AK7: variants seen among roughly 807,000 people sequenced by gnomAD.
AK7 encodes ATP-AMP transphosphorylase 7.
In AK7, 78 loss-of-function variants were observed where a neutral mutation model predicts 96.6. The ratio of observed to expected loss-of-function variants is 0.81; its 90% CI spans 0.67 to 0.97. The LOEUF (loss-of-function observed/expected upper bound fraction) is 0.97, where lower values mean the gene tolerates loss of function less well. Ranked by LOEUF, AK7 falls within the 50% of genes least tolerant of loss-of-function variation. The pLI, the probability that AK7 is intolerant of heterozygous loss-of-function variation, is 0.00. For synonymous variants in AK7, 302 were observed against 317.2 expected (o/e 0.95, Z 0.51); for missense variants, 855 against 887.9 (o/e 0.96, Z 0.47).
chr14:96,421,032 C>A, intron 5 of AK7, 100 bp downstream of exon 5: 1 of 805,850 alleles, frequency 1.2e-6, no homozygotes. Context: ...GAGCTTTAGG[C>A]TCACCCCAGG....
intron 6 of AK7, among the ~76,000 whole-genome samples, chr14:96,441,642 CA>C (rs34473287): frequency 3.6e-4 from 33 of 91,472 alleles, no homozygotes; most frequent in African/African-American, 1.0e-3. Context: ...GACTCCGTCT[CA>C]AAAAAAAAAA....
chr14:96,419,784 C>CTTTCTTTT (rs1891563684), intron 4 of AK7, among the ~76,000 whole-genome samples: 10 of 101,694 alleles, frequency 9.8e-5, no homozygotes, highest in African/African-American at 4.3e-4. Flanking sequence ...TTTTTTCTTT[C>CTTTCTTTT]TTTTCTTTTT....
intron 12 of AK7, among the ~76,000 whole-genome samples, chr14:96,461,244 CT>C (rs1157047833): frequency 6.6e-6 from 1 of 152,060 alleles, no homozygotes; most frequent in Non-Finnish European, 1.5e-5. Context: ...GGGAAGATTG[CT>C]TGAGGTCAGC....
At chr14:96,406,608 G>A (rs1261368035) in intron 3 of AK7, among the ~76,000 whole-genome samples, 1 of 152,150 alleles carries the variant, frequency 6.6e-6, no homozygotes, top group Non-Finnish European at 1.5e-5. Flanking sequence ...AGGGCATGAG[G>A]TTGGTAAGGG....
At chr14:96,478,920 T>G (rs1187047839) in intron 15 of AK7, among the ~76,000 whole-genome samples, 2 of 151,738 alleles carry the variant, frequency 1.3e-5, no homozygotes, top group African/African-American at 4.8e-5. Context: ...TTTTTTTTTT[T>G]TGTGGGGGGA....
intron 8 of AK7, among the ~76,000 whole-genome samples, chr14:96,448,762 C>A (rs1893397792): frequency 2.0e-5 from 3 of 151,636 alleles, no homozygotes; most frequent in African/African-American, 7.3e-5. Context: ...TTGAGACCAG[C>A]CTAGCCATCA....
At chr14:96,452,830 A>G (rs894523751) in intron 10 of AK7, among the ~76,000 whole-genome samples, 1 of 152,158 alleles carries the variant, frequency 6.6e-6, no homozygotes, top group South Asian at 2.1e-4. Flanking sequence ...CAGACTAGGT[A>G]GGACGCAGAC....
intron 3 of AK7, among the ~76,000 whole-genome samples, chr14:96,407,966 T>C (rs1890819371): frequency 6.6e-6 from 1 of 152,196 alleles, no homozygotes; most frequent in Admixed American, 6.5e-5. Context: ...AATGCTTAAA[T>C]GTGTAGAGAG....
At chr14:96,434,422 GTCTCTC>G (rs3077780) in intron 5 of AK7, among the ~76,000 whole-genome samples, 3,018 of 149,382 alleles carry the variant, frequency 0.02, 79 homozygotes, top group African/African-American at 0.061. Context: ...CTGTCTGTCT[GTCTCTC>G]TCTCTCTCTC....
At chr14:96,426,156 G>A (rs2140055112) in intron 5 of AK7, among the ~76,000 whole-genome samples, 1 of 152,064 alleles carries the variant, frequency 6.6e-6, no homozygotes, top group African/African-American at 2.4e-5. Context: ...TTAGTTTCTT[G>A]CTTTTTATTT....
rs192824216 is a variant in AK7 at position 96,472,617 on chromosome 14, G to C, written c.1487-70G>C. On this transcript the variant is annotated intron_variant, in intron 13 of 17. Coordinates refer to ENST00000267584, the MANE Select transcript of AK7 (RefSeq NM_152327.5). ...TTAGTGCTTGCTACTTAAGATATTT[G>C]GAATTTTTTGCTGTGATCCATAGTA... 12 of 1,238,588 alleles carry C rather than the reference G, an allele frequency of 9.7e-6. No homozygotes were observed. In the South Asian group the frequency reaches 1.3e-4, roughly 13 times the overall value. 76.7% of individuals were successfully genotyped at this position (1,238,588 alleles called of 1,614,324 possible). A position where few individuals can be genotyped will look rare whatever the true frequency, so the allele number is the denominator to read the frequency against.
At chr14:96,434,395 C>G (rs1371059398) in intron 5 of AK7, among the ~76,000 whole-genome samples, 1 of 150,884 alleles carries the variant, frequency 6.6e-6, no homozygotes, top group Non-Finnish European at 1.5e-5. Context: ...TTACATCTCT[C>G]CAAATATACA....
chr14:96,415,784 AATACATTAATTAATTAAATTAAT>A (rs1329352016), intron 4 of AK7, among the ~76,000 whole-genome samples: 3 of 149,496 alleles, frequency 2.0e-5, no homozygotes, highest in East Asian at 1.9e-4. Context: ...AAATTAATTT[AATACATTAATTAATTAAATTAAT>A]TTAATACATT....
intron 14 of AK7, among the ~76,000 whole-genome samples, chr14:96,478,203 GGAAGGAAGGAAGAGAGGGA>G (rs1895291788): frequency 6.7e-6 from 1 of 149,932 alleles, no homozygotes; most frequent in African/African-American, 2.5e-5. Context: ...AAGGGAGGGA[GGAAGGAAGGAAGAGAGGGA>G]GGGGGGAAGA....
At chr14:96,422,900 A>G (rs1891792659) in intron 5 of AK7, among the ~76,000 whole-genome samples, 1 of 152,228 alleles carries the variant, frequency 6.6e-6, no homozygotes, top group Non-Finnish European at 1.5e-5. Flanking sequence ...AAGTAGTGAC[A>G]GCTGAAAAAT....
chr14:96,450,223 C>T (rs950274241), intron 9 of AK7, among the ~76,000 whole-genome samples: 5 of 151,774 alleles, frequency 3.3e-5, no homozygotes, highest in South Asian at 2.1e-4. Flanking sequence ...TTGAGACCAG[C>T]GTGACCAACC....
intron 7 of AK7, among the ~76,000 whole-genome samples, chr14:96,445,124 T>G (rs1362980961): frequency 6.6e-6 from 1 of 152,226 alleles, no homozygotes; most frequent in Non-Finnish European, 1.5e-5. Flanking sequence ...CTGCAGCCCT[T>G]TCTGCCTATC....
chr14:96,395,455 G>T (rs73349227), intron 1 of AK7, among the ~76,000 whole-genome samples: 18,447 of 152,108 alleles, frequency 0.12, 2,150 homozygotes, highest in African/African-American at 0.3. Context: ...TGGAAGAAAA[G>T]AAGTGGATGA....
rs112229666 is a variant in AK7 at position 96,439,801 on chromosome 14, C to T, written c.690+1886C>T. Among the ~76,000 whole-genome samples, 214 of 152,130 alleles carry T rather than the reference C, an allele frequency of 1.4e-3. 1 individual carries two copies. The highest frequency in any genetic ancestry group is 4.8e-3 in the African/African-American group (201 of 41,484). On this transcript the variant is annotated intron_variant, in intron 6 of 17. Transcript: ENST00000267584. ...AGGTAGGACAAAAGTCTAACAGCCGCAGGTTCAAGAGGAACAGCTGGAGGG... is the reference window on the plus strand; with the variant it reads ...AGGTAGGACAAAAGTCTAACAGCCGTAGGTTCAAGAGGAACAGCTGGAGGG...
Sources: gnomAD v4.1 joint callset for allele counts (sites outside exome capture counted in the v4.1 genomes callset) on GRCh38, gnomAD v4.1.1 for gene constraint, MANE v1.5 for transcripts, NCBI Gene and HGNC (gene_info 2026-07-23, HGNC 2026-07-21) for gene names.